Variants in PARP8 observed in about 807,000 individuals in gnomAD.
PARP8 encodes poly(ADP-ribose) polymerase family member 8.
PARP8 carries 51 observed loss-of-function variants against 124.1 expected under a neutral mutation model. The ratio of observed to expected loss-of-function variants is 0.41; its 90% CI spans 0.33 to 0.52. PARP8 has a LOEUF of 0.52. Among genes scored for constraint, PARP8 ranks in the 20% least tolerant of loss-of-function variants. The pLI is 0.21. For missense variants in PARP8, 860 were observed against 1,018.9 expected (o/e 0.84, Z 2.12); for synonymous variants, 391 against 361.5 (o/e 1.08, Z -0.93).
At chr5:50,692,759 G>T (rs10039639) in intron 2 of PARP8, among the ~76,000 whole-genome samples, 137,892 of 152,138 alleles carry the variant, frequency 0.91, 62,545 homozygotes, top group East Asian at 1. Context: ...GCTTCAGTAG[G>T]CCCACCCGGC....
chr5:50,706,100 G>A (rs879470037), intron 2 of PARP8, among the ~76,000 whole-genome samples: 2 of 152,090 alleles, frequency 1.3e-5, no homozygotes, highest in Non-Finnish European at 2.9e-5. Context: ...GAGGTAGAAA[G>A]GTACTGTTTC....
At chr5:50,775,294 T>C (rs770143613) in intron 7 of PARP8, among the ~76,000 whole-genome samples, 16 of 152,098 alleles carry the variant, frequency 1.1e-4, no homozygotes, top group Non-Finnish European at 1.5e-4. Flanking sequence ...TGAGACTCCA[T>C]CTGCAATCCC....
At position 50,805,646 on chromosome 5, in the gene PARP8, A is replaced by G. The variant is rs552949282; in HGVS notation, c.1575+8413A>G. 5.0e-3 allele frequency among the ~76,000 whole-genome samples: 754 copies of G among 152,206 alleles called. 6 individuals carry two copies. Among genetic ancestry groups the G allele is most frequent in the African/African-American group, 0.017 (727 of 41,550 alleles). On this transcript the variant is annotated intron_variant, in intron 14 of 25. Coordinates refer to ENST00000281631, the MANE Select transcript of PARP8 (RefSeq NM_024615.4). ...ATATGTTTGAAAAGATAAAACACAA[A>G]ACTTGGAAAGCAATAATTTTATTAG...
chr5:50,693,562 G>A (rs1752711124), intron 2 of PARP8, among the ~76,000 whole-genome samples: 1 of 151,456 alleles, frequency 6.6e-6, no homozygotes, highest in Non-Finnish European at 1.5e-5. Context: ...TTATGACAAT[G>A]CAGAAGGATA....
chr5:50,824,438 CAAGT>C (rs1746116037), intron 17 of PARP8, among the ~76,000 whole-genome samples: 1 of 151,998 alleles, frequency 6.6e-6, no homozygotes, highest in African/African-American at 2.4e-5. Flanking sequence ...AAAGGCGCTA[CAAGT>C]AAGTGAAAAG....
At chr5:50,692,187 G>T (rs78305374) in intron 2 of PARP8, among the ~76,000 whole-genome samples, 3 of 152,096 alleles carry the variant, frequency 2.0e-5, no homozygotes, top group Non-Finnish European at 4.4e-5. Context: ...TCTATTGACC[G>T]CAGAGTGAAA....
intron 14 of PARP8, among the ~76,000 whole-genome samples, chr5:50,809,674 C>A (rs1344119056): frequency 2.6e-5 from 4 of 151,950 alleles, no homozygotes; most frequent in Non-Finnish European, 5.9e-5. Context: ...ATGAGCTGTA[C>A]ACATGTGCTC....
At chr5:50,758,364 C>T (rs1760188713) in intron 3 of PARP8, among the ~76,000 whole-genome samples, 1 of 152,140 alleles carries the variant, frequency 6.6e-6, no homozygotes, top group Non-Finnish European at 1.5e-5. Context: ...GCTTAGCTCC[C>T]TGACTGTTAA....
chr5:50,669,161 C>G (rs1395670801), intron 2 of PARP8: 1 of 152,062 alleles, frequency 6.6e-6, no homozygotes, highest in African/African-American at 2.4e-5. Context: ...ACCTAAGCCC[C>G]AGAATTAGCA....
At chr5:50,721,877 G>A (rs1755924507) in intron 2 of PARP8, among the ~76,000 whole-genome samples, 1 of 151,928 alleles carries the variant, frequency 6.6e-6, no homozygotes, top group South Asian at 2.1e-4. Flanking sequence ...ATTTTTTTCT[G>A]TCTTCTTTTT....
Position 50,794,998 on chromosome 5 carries a change from C to A in PARP8, c.1009C>A (p.His337Asn), listed in dbSNP as rs1488224453. The change falls in exon 12 of 26, where the codon CAC (histidine) becomes AAC (asparagine). Residue 337 changes from histidine to asparagine, a missense_variant. Physicochemically the swap from His to Asn is moderately conservative, Grantham distance 68. Coordinates refer to ENST00000281631, the MANE Select transcript of PARP8 (RefSeq NM_024615.4). ...KTDDVCVTKS[H>N]RTFGRSLSSD... ...TGATGATGTGTGTGTCACAAAGTCA[C>A]ACAGGACCTTTGGCCGCTCCTTGTC... 4 of 1,614,112 alleles carry A rather than the reference C, an allele frequency of 2.5e-6. No homozygotes were observed. The highest frequency in any genetic ancestry group is 1.7e-5 in the Admixed American group (1 of 60,002).
chr5:50,692,706 T>C (rs992047256), intron 2 of PARP8, among the ~76,000 whole-genome samples: 7 of 152,156 alleles, frequency 4.6e-5, no homozygotes, highest in East Asian at 1.9e-4. Flanking sequence ...ATACTTTTTT[T>C]CCCTCTAATC....
chr5:50,718,743 C>T lies in PARP8; in HGVS notation c.147-31408C>T, dbSNP rs192807145. On this transcript the variant is annotated intron_variant, in intron 2 of 25. Transcript: ENST00000281631. ...TATTGATGGACACTTAGGTTACTTC[C>T]ATATCTTGGCTATTGCTAATAGTGC... Among the ~76,000 whole-genome samples the T allele has an allele frequency of 3.0e-3, 456 of 152,046 alleles. 2 individuals carry two copies. The highest frequency in any genetic ancestry group is 0.01 in the African/African-American group (423 of 41,478).
intron 2 of PARP8, among the ~76,000 whole-genome samples, chr5:50,697,822 A>G (rs961783821): frequency 6.6e-6 from 1 of 152,210 alleles, no homozygotes; most frequent in Non-Finnish European, 1.5e-5. Context: ...CTTTTAAGTA[A>G]TATTCTCATT....
intron 7 of PARP8, among the ~76,000 whole-genome samples, chr5:50,763,567 C>T (rs1298395838): frequency 2.0e-5 from 3 of 151,732 alleles, no homozygotes; most frequent in Non-Finnish European, 2.9e-5. Context: ...TGGCCACATG[C>T]TTGTGAAGGA....
At chr5:50,668,990 G>A (rs750205607) in intron 2 of PARP8, 2 of 152,162 alleles carry the variant, frequency 1.3e-5, no homozygotes, top group Non-Finnish European at 2.9e-5. Context: ...CTTAGCTAAT[G>A]GAAACATTTA....
intron 2 of PARP8, among the ~76,000 whole-genome samples, chr5:50,733,555 T>C (rs898939383): frequency 6.6e-5 from 10 of 152,206 alleles, no homozygotes; most frequent in Non-Finnish European, 1.0e-4. Context: ...TTTGAAAAAC[T>C]ACACTAAGCT....
At chr5:50,737,041 C>G (rs555082865) in intron 2 of PARP8, among the ~76,000 whole-genome samples, 80 of 152,248 alleles carry the variant, frequency 5.3e-4, no homozygotes, top group South Asian at 1.2e-3. Flanking sequence ...CTCTCTCCAC[C>G]TGATTTTTAT....
chr5:50,795,710 G>T (rs1420454635), intron 12 of PARP8, among the ~76,000 whole-genome samples: 1 of 152,150 alleles, frequency 6.6e-6, no homozygotes, highest in Non-Finnish European at 1.5e-5. Context: ...GATTCACAAA[G>T]CCCTTACTTA....
Sources: allele counts gnomAD v4.1 joint callset (sites outside exome capture counted in the v4.1 genomes callset), GRCh38; gene constraint gnomAD v4.1.1; transcripts MANE v1.5; gene names NCBI Gene and HGNC (gene_info 2026-07-23, HGNC 2026-07-21).